ADAM20: variants seen among roughly 807,000 people sequenced by gnomAD.
ADAM20 encodes the protein ADAM metallopeptidase domain 20, also known as disintegrin and metalloproteinase domain-containing protein 20.
For missense variants in ADAM20, 871 were observed against 883.2 expected, an observed-to-expected ratio of 0.99 and a Z score of 0.18; for synonymous variants, 305 against 310.2, an observed-to-expected ratio of 0.98 and a Z score of 0.18.
the ADAM20 span, among the ~76,000 whole-genome samples, chr14:70,571,551 T>C: frequency 9.8e-5 from 15 of 152,314 alleles, no homozygotes; most frequent in African/African-American, 3.6e-4. Context: ...CAGTCTCAAG[T>C]ATGTCTTTAT....
chr14:70,568,111 C>T, the ADAM20 span, among the ~76,000 whole-genome samples: 1 of 151,898 alleles, frequency 6.6e-6, no homozygotes, highest in South Asian at 2.1e-4. Flanking sequence ...AAACCTGCTA[C>T]CAGAAGGGCT....
Position 70,524,254 on chromosome 14 carries a change from A to T in ADAM20, c.504T>A (p.Phe168Leu). ...VYKIDSDDTQ[F>L]PPMRCGLTEE... ...CTGTTAACCCACATCTCATAGGTGG[A>T]AACTGTGTATCATCACTGTCTATCT... The change falls in exon 2 of 2, where the codon TTT becomes TTA. Residue 168 changes from phenylalanine (F) to leucine (L), a missense_variant. Coordinates refer to ENST00000256389, the MANE Select transcript of ADAM20 (RefSeq NM_003814.5). 1 of 1,614,024 alleles carries T rather than the reference A, an allele frequency of 6.2e-7. No individual in the cohort carries two copies. The highest frequency in any genetic ancestry group is 8.5e-7 in the Non-Finnish European group (1 of 1,179,936).
the ADAM20 span, among the ~76,000 whole-genome samples, chr14:70,540,800 T>A: frequency 1.3e-5 from 2 of 152,110 alleles, no homozygotes; most frequent in Non-Finnish European, 2.9e-5. Flanking sequence ...AAAAAATAAT[T>A]TTTTTTTCTT....
the ADAM20 span, among the ~76,000 whole-genome samples, chr14:70,543,704 G>T: frequency 9.2e-5 from 14 of 152,122 alleles, no homozygotes; most frequent in African/African-American, 3.4e-4. Flanking sequence ...ACAGGATCAT[G>T]GCCATTTCAC....
chr14:70,571,778 T>G, the ADAM20 span, among the ~76,000 whole-genome samples: 1 of 152,130 alleles, frequency 6.6e-6, no homozygotes, highest in Non-Finnish European at 1.5e-5. Context: ...GATAAACAAA[T>G]TCAGTAGTTT....
At chr14:70,564,179 C>A in the ADAM20 span, among the ~76,000 whole-genome samples, 10 of 152,252 alleles carry the variant, frequency 6.6e-5, no homozygotes, top group African/African-American at 2.2e-4. Flanking sequence ...ACAGAGGGGG[C>A]AGGTAACTCT....
At chr14:70,541,829 A>T in the ADAM20 span, among the ~76,000 whole-genome samples, 1 of 152,350 alleles carries the variant, frequency 6.6e-6, no homozygotes, top group Admixed American at 6.5e-5. Context: ...TCAGTACAGT[A>T]ATAATTATAA....
At chr14:70,545,589 T>C in the ADAM20 span, among the ~76,000 whole-genome samples, 2 of 151,626 alleles carry the variant, frequency 1.3e-5, no homozygotes, top group Non-Finnish European at 2.9e-5. Flanking sequence ...TCAGACAAAA[T>C]AGATTTCAAG....
chr14:70,555,385 C>A, the ADAM20 span, among the ~76,000 whole-genome samples: 2 of 152,002 alleles, frequency 1.3e-5, no homozygotes, highest in Admixed American at 1.3e-4. Flanking sequence ...AGTTGTATAC[C>A]TTAAATATAT....
chr14:70,571,386 T>C, the ADAM20 span, among the ~76,000 whole-genome samples: 3 of 152,170 alleles, frequency 2.0e-5, no homozygotes, highest in African/African-American at 7.2e-5. Flanking sequence ...TATAAGGGGC[T>C]TCCCCCGCCA....
intron 1 of ADAM20, among the ~76,000 whole-genome samples, chr14:70,529,425 C>T (rs1178286024): frequency 2.6e-5 from 4 of 152,126 alleles, no homozygotes; most frequent in Non-Finnish European, 4.4e-5. Context: ...ACAATGGAGA[C>T]AAATTCTGAG....
chr14:70,535,600 T>A (rs758174992), upstream of ADAM20, among the ~76,000 whole-genome samples: 2 of 152,216 alleles, frequency 1.3e-5, no homozygotes, highest in Non-Finnish European at 2.9e-5. Context: ...GAACTTATCC[T>A]GAAAACGGAT....
At chr14:70,578,286 G>A in the ADAM20 span, among the ~76,000 whole-genome samples, 2 of 152,024 alleles carry the variant, frequency 1.3e-5, no homozygotes, top group Admixed American at 6.6e-5. Context: ...AACTGACTAG[G>A]TATATGCAGA....
At chr14:70,539,675 T>C (rs555505510), upstream of ADAM20, among the ~76,000 whole-genome samples, 1 of 152,328 alleles carries the variant, frequency 6.6e-6, no homozygotes, top group East Asian at 1.9e-4. Flanking sequence ...GTGTTTCTGT[T>C]TTAAGGCTCT....
At chr14:70,527,297 G>C (rs1883610759) in intron 1 of ADAM20, among the ~76,000 whole-genome samples, 2 of 152,230 alleles carry the variant, frequency 1.3e-5, no homozygotes, top group Admixed American at 1.3e-4. Context: ...TCCAGTTCCA[G>C]CTCATAGCCC....
At chr14:70,550,016 C>T in the ADAM20 span, among the ~76,000 whole-genome samples, 1 of 46,484 alleles carries the variant, frequency 2.2e-5, no homozygotes, top group Non-Finnish European at 3.8e-5. Flanking sequence ...CAAAGCCACT[C>T]AACTACATGG....
chr14:70,544,436 GA>G, the ADAM20 span, among the ~76,000 whole-genome samples: 2 of 152,168 alleles, frequency 1.3e-5, no homozygotes, highest in South Asian at 4.2e-4. Context: ...AACTAGTAAG[GA>G]AAATACTACA....
upstream of ADAM20, among the ~76,000 whole-genome samples, chr14:70,536,331 T>G (rs1027774907): frequency 1.3e-5 from 2 of 151,130 alleles, no homozygotes; most frequent in Non-Finnish European, 2.9e-5. Context: ...CCAGGCGTGG[T>G]GGTGGGCATC....
the ADAM20 span, among the ~76,000 whole-genome samples, chr14:70,561,762 C>T: frequency 6.6e-6 from 1 of 152,372 alleles, no homozygotes; most frequent in South Asian, 2.1e-4. Flanking sequence ...AAGCCCCAAG[C>T]CTTGGCAGCT....
Sources: gnomAD v4.1 joint callset for allele counts (sites outside exome capture counted in the v4.1 genomes callset) on GRCh38, gnomAD v4.1.1 for gene constraint, MANE v1.5 for transcripts, NCBI Gene and HGNC (gene_info 2026-07-23, HGNC 2026-07-21) for gene names.